The following DNER variants were observed in gnomAD, a reference collection of about 807,000 sequenced individuals.
DNER encodes delta and Notch-like epidermal growth factor-related receptor.
Under a neutral mutation model 78.2 loss-of-function variants are expected in DNER, and 33 were observed. That is an observed-to-expected ratio of 0.42 (90% CI 0.32 to 0.56). The LOEUF (loss-of-function observed/expected upper bound fraction) is 0.56, where lower values mean the gene tolerates loss of function less well. Ranked by LOEUF, DNER falls within the 20% of genes least tolerant of loss-of-function variation. The pLI is 0.11. For missense variants in DNER, 918 were observed against 975.3 expected (o/e 0.94, Z 0.78); for synonymous variants, 417 against 384.8 (o/e 1.08, Z -0.98).
rs78613268 is a variant in DNER, at chr2:229,503,688, T to C, written c.1147+9095A>G. Among the ~76,000 whole-genome samples the C allele has an allele frequency of 7.4e-3, 1,120 of 152,264 alleles. 17 individuals carry two copies. The highest frequency in any genetic ancestry group is 0.025 in the African/African-American group (1,058 of 41,544). On this transcript the variant is annotated intron_variant, in intron 6 of 12. Transcript: ENST00000341772. Reference sequence around the variant, plus strand: ...ACTGGACTGATAACTAATGACTGAATAGGATTCTAGTAATGTGGGGGTATC... The same window carrying C: ...ACTGGACTGATAACTAATGACTGAACAGGATTCTAGTAATGTGGGGGTATC...
At position 229,366,911 on chromosome 2, in the gene DNER, G is replaced by T. The variant is rs1325796084; in HGVS notation, c.2064C>A (p.Ser688Arg). The T allele has an allele frequency of 6.2e-7, 1 of 1,614,160 alleles. No individual in the cohort carries two copies. Among genetic ancestry groups the T allele is most frequent in the African/African-American group, 1.3e-5 (1 of 75,052 alleles). ...TGGATGCAATGGCATTGCTGAACTC[G>T]CTGTCGATGCTGCGGCAGTTGTAGA... ...EEFYNCRSID[S>R]EFSNAIASIR... is the part of the protein sequence containing the mutation. Residue 688 changes from serine to arginine, a missense_variant, in exon 12 of 13, where the codon AGC (serine) becomes AGA (arginine). Physicochemically the swap from Ser to Arg is moderately radical, Grantham distance 110. Transcript: ENST00000341772.
chr2:229,426,195 A>G (rs985624217), intron 8 of DNER, among the ~76,000 whole-genome samples: 1 of 152,040 alleles, frequency 6.6e-6, no homozygotes, highest in Non-Finnish European at 1.5e-5. Context: ...TAATCCCAGC[A>G]CTTTGGGAGG....
chr2:229,451,754 T>C (rs1035169572), intron 7 of DNER, among the ~76,000 whole-genome samples: 11 of 152,180 alleles, frequency 7.2e-5, no homozygotes, highest in Admixed American at 7.2e-4. Flanking sequence ...CCAATTAAGA[T>C]GTTATGATGT....
At chr2:229,444,885 T>C (rs1175461480) in intron 8 of DNER, among the ~76,000 whole-genome samples, 1 of 151,910 alleles carries the variant, frequency 6.6e-6, no homozygotes, top group African/African-American at 2.4e-5. Flanking sequence ...AAAGAAAAAG[T>C]TTGATATAAT....
At chr2:229,439,225 TG>T (rs1353527389) in intron 8 of DNER, among the ~76,000 whole-genome samples, 2 of 152,226 alleles carry the variant, frequency 1.3e-5, no homozygotes, top group African/African-American at 4.8e-5. Flanking sequence ...ATGCCCACTA[TG>T]GCCATTTCAT....
At chr2:229,609,219 G>C (rs372233772) in intron 1 of DNER, among the ~76,000 whole-genome samples, 10 of 152,222 alleles carry the variant, frequency 6.6e-5, no homozygotes, top group African/African-American at 2.4e-4. Context: ...GTGAAACTCT[G>C]TCTCAAAAAT....
intron 11 of DNER, among the ~76,000 whole-genome samples, chr2:229,374,592 T>C (rs539339100): frequency 2.0e-5 from 3 of 152,280 alleles, no homozygotes; most frequent in Non-Finnish European, 4.4e-5. Flanking sequence ...GTAGACACTA[T>C]TATTGCCTTC....
chr2:229,362,300 G>A (rs906115157), intron 12 of DNER, among the ~76,000 whole-genome samples: 3 of 152,136 alleles, frequency 2.0e-5, no homozygotes, highest in Admixed American at 2.0e-4. Context: ...AGACACTTAG[G>A]AATAATTTTC....
intron 6 of DNER, among the ~76,000 whole-genome samples, chr2:229,485,708 G>A (rs1695254578): frequency 1.3e-5 from 2 of 152,084 alleles, no homozygotes; most frequent in South Asian, 4.1e-4. Flanking sequence ...GTCAGATTAT[G>A]AAGAAGAAGG....
chr2:229,647,915 G>A (rs1222571709), intron 1 of DNER, among the ~76,000 whole-genome samples: 2 of 152,182 alleles, frequency 1.3e-5, no homozygotes, highest in East Asian at 3.8e-4. Context: ...TGTGATTCGG[G>A]AGGTTACAAG....
At chr2:229,484,390 C>T (rs1341274106) in intron 6 of DNER, among the ~76,000 whole-genome samples, 1 of 152,150 alleles carries the variant, frequency 6.6e-6, no homozygotes, top group African/African-American at 2.4e-5. Flanking sequence ...GCTAAAGGGC[C>T]CCTTCCTTTC....
chr2:229,413,370 T>C (rs1693569746), intron 9 of DNER, among the ~76,000 whole-genome samples: 1 of 126,290 alleles, frequency 7.9e-6, no homozygotes, highest in South Asian at 2.6e-4. Context: ...TCACCCAGGC[T>C]GGAATGCAAT....
intron 1 of DNER, among the ~76,000 whole-genome samples, chr2:229,710,593 T>A (rs1458704949): frequency 6.6e-6 from 1 of 152,192 alleles, no homozygotes; most frequent in Non-Finnish European, 1.5e-5. Context: ...ACCATCATCA[T>A]CATCATTACA....
chr2:229,411,281 G>C (rs975123410), intron 9 of DNER, among the ~76,000 whole-genome samples: 1 of 152,168 alleles, frequency 6.6e-6, no homozygotes, highest in Non-Finnish European at 1.5e-5. Flanking sequence ...TACAGGCCAG[G>C]CAGAGTAGCT....
rs1347624840 is a variant in DNER at position 229,512,841 on chromosome 2, G to A, written c.1089C>T (p.Ser363=). 1.2e-6 allele frequency: 2 copies of A among 1,614,136 alleles called. No individual in the cohort carries two copies. Among genetic ancestry groups the A allele is most frequent in the South Asian group, 2.2e-5 (2 of 91,080 alleles). ...CQRKPCQNNA[S]CIDANEKQDG... ...CTTGCTTTTCATTTGCATCAATACA[G>A]CTCGCGTTGTTTTGGCAAGGTTTCC... Residue 363 remains serine (S), a synonymous_variant, in exon 6 of 13, where the codon AGC becomes AGT. Coordinates refer to ENST00000341772, the MANE Select transcript of DNER (RefSeq NM_139072.4).
At chr2:229,609,953 T>C (rs548723401) in intron 1 of DNER, among the ~76,000 whole-genome samples, 1 of 152,300 alleles carries the variant, frequency 6.6e-6, no homozygotes, top group South Asian at 2.1e-4. Flanking sequence ...GAATGTGAAA[T>C]TTTATCACAT....
At chr2:229,392,659 T>C (rs1693042407) in intron 10 of DNER, among the ~76,000 whole-genome samples, 1 of 152,150 alleles carries the variant, frequency 6.6e-6, no homozygotes, top group African/African-American at 2.4e-5. Flanking sequence ...AGAGTGGAAC[T>C]ATTTAATGGA....
chr2:229,617,456 T>C (rs1057228749), intron 1 of DNER, among the ~76,000 whole-genome samples: 7 of 152,208 alleles, frequency 4.6e-5, no homozygotes, highest in African/African-American at 9.7e-5. Flanking sequence ...ACAACTGTTC[T>C]CAATAACTTT....
chr2:229,388,276 T>C lies in DNER; in HGVS notation c.1844A>G (p.Asn615Ser), dbSNP rs753095191. ...CHCPHGWVGA[N>S]CEIHLQWKSG... is the part of the protein sequence containing the mutation. ...GCAGAAATACTTACGGATCTCACAG[T>C]TTGCTCCCACCCAACCATGCGGGCA... Residue 615 changes from asparagine to serine, a missense_variant, in exon 11 of 13, where the codon AAC becomes AGC. Transcript: ENST00000341772. 6.2e-7 allele frequency: 1 copy of C among 1,607,282 alleles called. No homozygotes were observed. Among genetic ancestry groups the C allele is most frequent in the South Asian group, 1.1e-5 (1 of 90,250 alleles).
Sources: gnomAD v4.1 joint callset for allele counts (sites outside exome capture counted in the v4.1 genomes callset) on GRCh38, gnomAD v4.1.1 for gene constraint, MANE v1.5 for transcripts, NCBI Gene and HGNC (gene_info 2026-07-23, HGNC 2026-07-21) for gene names.